Variants in RTN4 observed in about 807,000 individuals in gnomAD.
The protein encoded by RTN4 is reticulon-4.
A neutral mutation model predicts 90.4 loss-of-function variants in RTN4; 32 were observed. The ratio of observed to expected loss-of-function variants is 0.35; its 90% CI spans 0.27 to 0.48. RTN4 has a LOEUF of 0.48. Among genes scored for constraint, RTN4 ranks in the 20% least tolerant of loss-of-function variants. The probability of loss-of-function intolerance (pLI) is 0.99; values close to 1 mark genes in which losing one functional copy is unlikely to be tolerated. For missense variants in RTN4, 1,706 were observed against 1,430.2 expected, an observed-to-expected ratio of 1.19 and a Z score of -3.11; for synonymous variants, 629 against 552.5, an observed-to-expected ratio of 1.14 and a Z score of -1.94.
chr2:55,130,478 G>T, the RTN4 span, among the ~76,000 whole-genome samples: 9 of 152,126 alleles, frequency 5.9e-5, no homozygotes, highest in Non-Finnish European at 1.2e-4. Flanking sequence ...GGCTGGGTGT[G>T]GTGGCTCACG....
intron 1 of RTN4, among the ~76,000 whole-genome samples, chr2:55,043,240 G>C (rs1683192805): frequency 2.0e-5 from 3 of 152,132 alleles, no homozygotes. Context: ...AGAAGAACCT[G>C]ATCCCTTTAG....
chr2:54,982,740 T>A (rs543329114), intron 4 of RTN4, 87 bp from the exon 5 acceptor site: 1 of 1,395,672 alleles, frequency 7.2e-7, no homozygotes, highest in South Asian at 1.4e-5. Flanking sequence ...TGTAAGAAAT[T>A]AAGAAAATAT....
chr2:55,086,537 G>T (rs1668842109), intron 1 of RTN4, among the ~76,000 whole-genome samples: 1 of 151,864 alleles, frequency 6.6e-6, no homozygotes, highest in South Asian at 2.1e-4. Context: ...AAGCATGGTG[G>T]TATGCGCCTG....
At chr2:55,060,807 C>G (rs1668276391) in intron 2 of RTN4, 1 of 152,334 alleles carries the variant, frequency 6.6e-6, no homozygotes, top group East Asian at 1.9e-4. Flanking sequence ...GTAGTCCCAG[C>G]TATTCAGGAG....
chr2:55,103,779 C>G (rs1350827764), intron 1 of RTN4, among the ~76,000 whole-genome samples: 5 of 151,990 alleles, frequency 3.3e-5, no homozygotes, highest in African/African-American at 4.8e-5. Flanking sequence ...ACTGCAACCT[C>G]CACCTCCCGG....
chr2:55,091,963 C>G (rs1668945357), intron 1 of RTN4, among the ~76,000 whole-genome samples: 1 of 152,130 alleles, frequency 6.6e-6, no homozygotes, highest in Non-Finnish European at 1.5e-5. Context: ...ATTACCTCCC[C>G]CTGGGTCCCT....
intron 3 of RTN4, among the ~76,000 whole-genome samples, chr2:55,021,850 T>C (rs1163412836): frequency 6.6e-6 from 1 of 152,144 alleles, no homozygotes; most frequent in East Asian, 1.9e-4. Flanking sequence ...GTAGAATATA[T>C]ATATTGGGTG....
At chr2:55,126,284 G>A in the RTN4 span, among the ~76,000 whole-genome samples, 1 of 151,788 alleles carries the variant, frequency 6.6e-6, no homozygotes, top group Non-Finnish European at 1.5e-5. Flanking sequence ...CATGAGAATC[G>A]CTTGAACCTG....
intron 2 of RTN4, among the ~76,000 whole-genome samples, chr2:55,065,585 C>T (rs1668375385): frequency 6.6e-6 from 1 of 151,882 alleles, no homozygotes; most frequent in African/African-American, 2.4e-5. Flanking sequence ...AAATGGTTTG[C>T]AATAAAAAGA....
At chr2:55,081,292 G>A (rs992714188) in intron 1 of RTN4, among the ~76,000 whole-genome samples, 6 of 151,852 alleles carry the variant, frequency 4.0e-5, no homozygotes, top group East Asian at 1.9e-4. Flanking sequence ...GTCCAGCCTC[G>A]GCTCGAACTC....
chr2:55,080,070 G>A (rs1668680743), intron 2 of RTN4, among the ~76,000 whole-genome samples: 3 of 152,162 alleles, frequency 2.0e-5, no homozygotes, highest in Admixed American at 6.5e-5. Context: ...AGGCTAGAGT[G>A]TAGTGGCATG....
At chr2:55,071,650 T>G (rs1668517153) in intron 2 of RTN4, among the ~76,000 whole-genome samples, 1 of 151,790 alleles carries the variant, frequency 6.6e-6, no homozygotes, top group South Asian at 2.1e-4. Context: ...GACTTCAGAC[T>G]GTCAATTTAT....
At chr2:55,008,551 G>A (rs1162221594) in intron 3 of RTN4, among the ~76,000 whole-genome samples, 1 of 152,002 alleles carries the variant, frequency 6.6e-6, no homozygotes, top group Non-Finnish European at 1.5e-5. Flanking sequence ...AAAATATTAG[G>A]CCATTCCACT....
rs138359109 is a variant in RTN4, at chr2:55,099,739, A to G, written c.-214+12781T>C. Reference sequence around the variant, plus strand: ...TATGTATGTGACACGGTGCCAGTTTACCAACTTATCTGTGCTTCAGTTTTT... The same window carrying G: ...TATGTATGTGACACGGTGCCAGTTTGCCAACTTATCTGTGCTTCAGTTTTT... On this transcript the variant is annotated intron_variant, in intron 1 of 3. Transcript: ENST00000427710. 1.1e-3 allele frequency among the ~76,000 whole-genome samples: 162 copies of G among 152,200 alleles called. 2 individuals carry two copies. Among genetic ancestry groups the G allele is most frequent in the African/African-American group, 3.7e-3 (152 of 41,466 alleles).
At chr2:54,998,209 C>T (rs1001030219) in intron 3 of RTN4, among the ~76,000 whole-genome samples, 1 of 145,330 alleles carries the variant, frequency 6.9e-6, no homozygotes, top group Admixed American at 7.1e-5. Flanking sequence ...AGAGGAGTGA[C>T]TGCTAGAGGG....
At chr2:55,010,046 C>T (rs199861228) in intron 3 of RTN4, 1 of 1,594,656 alleles carries the variant, frequency 6.3e-7, no homozygotes. Context: ...TATTAGTGGT[C>T]ACATATAAAA....
chr2:55,000,858 C>G (rs371367400), intron 3 of RTN4, among the ~76,000 whole-genome samples: 1 of 151,942 alleles, frequency 6.6e-6, no homozygotes, highest in Non-Finnish European at 1.5e-5. Flanking sequence ...ACTAACACTA[C>G]GAGTAGAGTT....
At chr2:54,973,256 A>C (rs1322899612) in intron 8 of RTN4, 58 bp from the exon 9 acceptor site, 3 of 1,372,108 alleles carry the variant, frequency 2.2e-6, no homozygotes, top group Non-Finnish European at 3.1e-6. Context: ...TTAAAATACC[A>C]TCTTCCAAGA....
chr2:54,973,843 G>C lies in RTN4; in HGVS notation c.3455C>G (p.Pro1152Arg). 6.2e-7 allele frequency: 1 copy of C among 1,613,384 alleles called. No individual in the cohort carries two copies. Residue 1152 changes from proline (P) to arginine (R), a missense_variant, in exon 7 of 9, where the codon CCT becomes CGT. By Grantham distance (103) the Pro-to-Arg change is moderately radical. Transcript: ENST00000337526. ...TACCTGATGCCGTTCATAAATAACA[G>C]GAACACTGAAGAGTGAAATGAGAGC... ...ILALISLFSV[P>R]VIYERHQAQI...
Sources: gnomAD v4.1 joint callset for allele counts (sites outside exome capture counted in the v4.1 genomes callset) on GRCh38, gnomAD v4.1.1 for gene constraint, MANE v1.5 for transcripts, NCBI Gene and HGNC (gene_info 2026-07-23, HGNC 2026-07-21) for gene names.